RBFOX3: variants seen among roughly 807,000 people sequenced by gnomAD.
RBFOX3 encodes RNA binding fox-1 homolog 3, also known as RNA binding protein fox-1 homolog 3.
RBFOX3 carries 17 observed loss-of-function variants against 48.7 expected under a neutral mutation model. The ratio of observed to expected loss-of-function variants is 0.35; its 90% confidence interval spans 0.24 to 0.52. The LOEUF is 0.52. Ranked by LOEUF, RBFOX3 falls within the 20% of genes least tolerant of loss-of-function variation. RBFOX3 has a pLI of 0.94. For missense variants in RBFOX3, 382 were observed against 497.5 expected, an observed-to-expected ratio of 0.77 and a Z score of 2.21; for synonymous variants, 212 against 209.5, an observed-to-expected ratio of 1.01 and a Z score of -0.10.
rs903826908 is a variant in RBFOX3, at chr17:79,481,955, C to T, written c.-175+499G>A. ...CTGTGGAGTCTGACGCTGACTCCGG[C>T]GGTTAGTGTCAGAGCTGAACGGCAG... On this transcript the variant is annotated intron_variant, in intron 2 of 14. Transcript: ENST00000693108. This position sits in a 1 kb window ranked among gnomAD's most constrained non-coding sequence, Gnocchi z 5.4. Among the ~76,000 whole-genome samples the T allele has an allele frequency of 3.9e-5, 6 of 152,042 alleles. No individual in the cohort carries two copies. The highest frequency in any genetic ancestry group is 2.0e-4 in the Admixed American group (3 of 15,268).
At chr17:79,522,556 T>C (rs2086248227) in intron 1 of RBFOX3, among the ~76,000 whole-genome samples, 1 of 151,930 alleles carries the variant, frequency 6.6e-6, no homozygotes, top group South Asian at 2.1e-4. Flanking sequence ...ACATTTAAAG[T>C]CCTCTCACCC....
At chr17:79,165,968 G>T (rs532613837) in intron 4 of RBFOX3, among the ~76,000 whole-genome samples, 1 of 152,248 alleles carries the variant, frequency 6.6e-6, no homozygotes, top group African/African-American at 2.4e-5. Context: ...CAGGGCACCC[G>T]CGTGCACTGG....
At chr17:79,309,486 T>C (rs1220765507) in intron 2 of RBFOX3, among the ~76,000 whole-genome samples, 2 of 152,074 alleles carry the variant, frequency 1.3e-5, no homozygotes, top group East Asian at 1.9e-4. Flanking sequence ...CTCAGGGTCC[T>C]TGCACATGTT....
chr17:79,269,001 G>A (rs968737694), intron 3 of RBFOX3, among the ~76,000 whole-genome samples: 2 of 152,254 alleles, frequency 1.3e-5, no homozygotes, highest in East Asian at 1.9e-4. Flanking sequence ...GCCTCAGAAT[G>A]TGACCTCATT....
intron 2 of RBFOX3, among the ~76,000 whole-genome samples, chr17:79,375,051 C>T (rs2059048893): frequency 6.6e-6 from 1 of 152,130 alleles, no homozygotes; most frequent in Non-Finnish European, 1.5e-5. Context: ...ATCCTGGTCC[C>T]CTGGGCTCGC....
chr17:79,641,081 T>G, the RBFOX3 span, among the ~76,000 whole-genome samples: 4 of 152,184 alleles, frequency 2.6e-5, no homozygotes, highest in African/African-American at 9.6e-5. Context: ...ATCCAAAATA[T>G]ATAAGGAACT....
At chr17:79,468,801 TAGAC>T (rs1290754840) in intron 2 of RBFOX3, among the ~76,000 whole-genome samples, 74 of 135,780 alleles carry the variant, frequency 5.4e-4, no homozygotes, top group Non-Finnish European at 9.7e-4. Context: ...AGATGGCAGA[TAGAC>T]AGGAAGACAG....
the RBFOX3 span, among the ~76,000 whole-genome samples, chr17:79,651,116 A>G: frequency 2.1e-3 from 321 of 152,224 alleles, no homozygotes; most frequent in Non-Finnish European, 3.6e-3. Context: ...TGAGTCACCA[A>G]GTCGCCGGTT....
intron 1 of RBFOX3, among the ~76,000 whole-genome samples, chr17:79,593,505 C>T (rs1157662840): frequency 6.6e-6 from 1 of 152,142 alleles, no homozygotes; most frequent in Non-Finnish European, 1.5e-5. Context: ...CTCTCATGGC[C>T]ACGGGAGGGT....
the RBFOX3 span, among the ~76,000 whole-genome samples, chr17:79,628,219 C>T: frequency 6.6e-6 from 1 of 152,070 alleles, no homozygotes; most frequent in Non-Finnish European, 1.5e-5. Flanking sequence ...GCTCAAGTCA[C>T]CCTCCCAGCC....
Position 79,204,910 on chromosome 17 carries a change from C to T in RBFOX3, c.-34+30856G>A, listed in dbSNP as rs1343992689. On this transcript the variant is annotated intron_variant, in intron 4 of 14. Transcript: ENST00000693108. The surrounding 1 kb of genome is among the most constrained non-coding windows in gnomAD (Gnocchi z 4.5). ...CTACAGAAGTCTGCAGCTAATAAGC[C>T]ATGGTGTTCCTGGGGATGAAATGGA... 6.6e-6 allele frequency among the ~76,000 whole-genome samples: 1 copy of T among 152,128 alleles called. No homozygotes were observed. Among genetic ancestry groups the T allele is most frequent in the East Asian group, 1.9e-4 (1 of 5,198 alleles).
chr17:79,100,438 T>A (rs2076200561), intron 9 of RBFOX3: 1 of 152,198 alleles, frequency 6.6e-6, no homozygotes. Flanking sequence ...TATGAGGCCA[T>A]GAGAATCAAG....
chr17:79,455,574 C>T (rs957654174), intron 2 of RBFOX3, among the ~76,000 whole-genome samples: 1 of 152,092 alleles, frequency 6.6e-6, no homozygotes, highest in African/African-American at 2.4e-5. Context: ...GCCAGGCACA[C>T]GGGTGTGTGC....
At chr17:79,168,534 C>T (rs2048485507) in intron 4 of RBFOX3, among the ~76,000 whole-genome samples, 1 of 152,252 alleles carries the variant, frequency 6.6e-6, no homozygotes, top group South Asian at 2.1e-4. Flanking sequence ...GCCCCCTGAC[C>T]CTGCCAGCCA....
chr17:79,251,574 G>A (rs558831924), intron 3 of RBFOX3, among the ~76,000 whole-genome samples: 1 of 152,066 alleles, frequency 6.6e-6, no homozygotes, highest in Non-Finnish European at 1.5e-5. Context: ...TTCTGTACCT[G>A]TGTGACCTCC....
chr17:79,561,957 G>C (rs1345954848), intron 1 of RBFOX3, among the ~76,000 whole-genome samples: 1 of 152,178 alleles, frequency 6.6e-6, no homozygotes, highest in Non-Finnish European at 1.5e-5. Flanking sequence ...CAGCAGAAGA[G>C]ATGGGCAGCG....
intron 3 of RBFOX3, among the ~76,000 whole-genome samples, chr17:79,248,134 C>T (rs997409943): frequency 7.2e-5 from 11 of 152,186 alleles, no homozygotes; most frequent in African/African-American, 2.2e-4. Context: ...CCTCTACCTC[C>T]GGGGCACAGG....
At chr17:79,185,401 A>G (rs2053199249) in intron 4 of RBFOX3, among the ~76,000 whole-genome samples, 1 of 152,214 alleles carries the variant, frequency 6.6e-6, no homozygotes, top group Non-Finnish European at 1.5e-5. Flanking sequence ...TGCCTGGGCC[A>G]GGAAGATGAG....
At chr17:79,606,010 C>A (rs386829730) in intron 1 of RBFOX3, among the ~76,000 whole-genome samples, 16,820 of 152,166 alleles carry the variant, frequency 0.11, 1,739 homozygotes, top group East Asian at 0.55. Flanking sequence ...TGTTCTTCTG[C>A]CCCCTATCCC....
Sources: gnomAD v4.1 joint callset for allele counts (sites outside exome capture counted in the v4.1 genomes callset) on GRCh38, gnomAD v4.1.1 for gene constraint, Gnocchi (gnomAD v3.1) non-coding constraint, MANE v1.5 for transcripts, NCBI Gene and HGNC (gene_info 2026-07-23, HGNC 2026-07-21) for gene names.